The following FOXN2 variants were observed in gnomAD, a reference collection of about 807,000 sequenced individuals.
FOXN2 encodes the protein forkhead box protein N2.
Under a neutral mutation model 41.2 loss-of-function variants are expected in FOXN2, and 19 were observed. The observed-to-expected ratio is 0.46, with a 90% CI of 0.32 to 0.68. The LOEUF is 0.68. FOXN2 is among the 30% of genes least tolerant of loss of function. The probability of loss-of-function intolerance (pLI) is 0.03; values close to 1 mark genes in which losing one functional copy is unlikely to be tolerated. For synonymous variants in FOXN2, 195 were observed against 176.8 expected (o/e 1.10, Z -0.82); for missense variants, 587 against 509.4 (o/e 1.15, Z -1.47).
At chr2:48,368,865 AT>A (rs542991954) in intron 5 of FOXN2, among the ~76,000 whole-genome samples, 17 of 152,314 alleles carry the variant, frequency 1.1e-4, no homozygotes, top group African/African-American at 4.1e-4. Flanking sequence ...TTCATTGCTT[AT>A]TTTTAATGTT....
At chr2:48,348,290 A>T (rs570858549) in intron 3 of FOXN2, among the ~76,000 whole-genome samples, 147 of 151,564 alleles carry the variant, frequency 9.7e-4, no homozygotes, top group African/African-American at 3.4e-3. Flanking sequence ...CTATAGGTTC[A>T]CCGTTTTTCT....
intron 4 of FOXN2, among the ~76,000 whole-genome samples, chr2:48,361,801 T>G (rs1672206507): frequency 6.6e-6 from 1 of 152,214 alleles, no homozygotes; most frequent in Non-Finnish European, 1.5e-5. Context: ...ACTGTTGGTG[T>G]CTTTCCATGA....
rs981732156 is a variant in FOXN2 at position 48,333,640 on chromosome 2, A to G, written c.-15+4938A>G. On this transcript the variant is annotated intron_variant, in intron 2 of 6. Coordinates refer to ENST00000340553, the MANE Select transcript of FOXN2 (RefSeq NM_002158.4). The stretch of plus-strand genomic sequence containing the variant: ...GTGATATTATATGAAATTCTAATGA[A>G]ATTTACCTGGCTTTCCATTCTGTAA... Among the ~76,000 whole-genome samples the G allele has an allele frequency of 4.6e-5, 7 of 152,306 alleles. No homozygotes were observed. In the East Asian group the frequency reaches 1.4e-3, roughly 29 times the overall value.
chr2:48,315,359 C>A (rs1165007175), intron 1 of FOXN2, among the ~76,000 whole-genome samples: 1 of 152,062 alleles, frequency 6.6e-6, no homozygotes, highest in Non-Finnish European at 1.5e-5. Flanking sequence ...GGGGAGGTGC[C>A]GGGGGCGGCC....
rs762596741 is a variant in FOXN2, at chr2:48,358,618, T to C, written c.538-429T>C. Among the ~76,000 whole-genome samples, 47 of 152,334 alleles carry C rather than the reference T, an allele frequency of 3.1e-4. 1 individual carries two copies. Among genetic ancestry groups the C allele is most frequent in the African/African-American group, 1.0e-3 (42 of 41,590 alleles). Reference sequence around the variant, plus strand: ...AAGAGTGTGGGAAATGGAAGGACTCTGGAGATCATCACATTAAATCTTAAT... The same window carrying C: ...AAGAGTGTGGGAAATGGAAGGACTCCGGAGATCATCACATTAAATCTTAAT... On this transcript the variant is annotated intron_variant, in intron 3 of 6. Coordinates refer to ENST00000340553, the MANE Select transcript of FOXN2 (RefSeq NM_002158.4).
rs1009061383 is a variant in FOXN2, at chr2:48,375,655, C to T, written c.*212C>T. 1.8e-5 allele frequency: 8 copies of T among 436,262 alleles called. No individual in the cohort carries two copies. In the Admixed American group the frequency reaches 2.3e-4, roughly 13 times the overall value. 27.0% of individuals were successfully genotyped at this position (436,262 alleles called of 1,614,324 possible). ...AATACATGATGTGAAGTCCTAAAAG[C>T]ATAATTTTTGTGATAAATGTGTCCA... is the stretch of plus-strand genomic sequence containing the variant. On this transcript the variant is annotated 3_prime_UTR_variant, in exon 7 of 7. Transcript: ENST00000340553.
At chr2:48,346,772 C>G (rs1671131566) in intron 3 of FOXN2, 21 bp downstream of exon 3, 2 of 1,531,730 alleles carry the variant, frequency 1.3e-6, no homozygotes, top group East Asian at 4.5e-5. Flanking sequence ...ATGAACATTG[C>G]TATATTTGGT....
Position 48,346,381 on chromosome 2 carries a change from TCA to T in FOXN2, c.170_171del (p.Thr57LysfsTer7), listed in dbSNP as rs1671101652. 6.2e-7 allele frequency: 1 copy of T among 1,614,160 alleles called. No homozygotes were observed. Among genetic ancestry groups the T allele is most frequent in the Non-Finnish European group, 8.5e-7 (1 of 1,180,014 alleles). ...GACAGTGAGTCAGCAGATGATGAAC[TCA>T]CAAACTTGAACTGGCTTCATGAAAG... On this transcript the variant is annotated frameshift_variant, in exon 3 of 7. Coordinates refer to ENST00000340553, the MANE Select transcript of FOXN2 (RefSeq NM_002158.4). LOFTEE classifies it high-confidence loss of function.
At chr2:48,340,518 GA>G (rs896057655) in intron 2 of FOXN2, among the ~76,000 whole-genome samples, 4 of 149,194 alleles carry the variant, frequency 2.7e-5, no homozygotes, top group East Asian at 1.9e-4. Context: ...GCACAACTGT[GA>G]AAAAAAAAAT....
rs539375212 is a variant in FOXN2, at chr2:48,358,340, A to G, written c.538-707A>G. Among the ~76,000 whole-genome samples the G allele has an allele frequency of 2.6e-5, 4 of 152,266 alleles. No individual in the cohort carries two copies. In the South Asian group the frequency reaches 6.2e-4, roughly 24 times the overall value. The stretch of plus-strand genomic sequence containing the variant: ...TCTTGCATATAAATCCTCTTATTTG[A>G]ATCTCATTACAATTCAGTGAAGTGG... On this transcript the variant is annotated intron_variant, in intron 3 of 6. Coordinates refer to ENST00000340553, the MANE Select transcript of FOXN2 (RefSeq NM_002158.4).
intron 5 of FOXN2, among the ~76,000 whole-genome samples, chr2:48,364,424 G>T (rs969210963): frequency 1.3e-5 from 2 of 151,842 alleles, no homozygotes; most frequent in Non-Finnish European, 2.9e-5. Context: ...AATTCCTTTG[G>T]GGTTTTTTTA....
intron 2 of FOXN2, among the ~76,000 whole-genome samples, chr2:48,344,375 A>G (rs1214462094): frequency 6.6e-6 from 1 of 152,208 alleles, no homozygotes; most frequent in Admixed American, 6.5e-5. Context: ...TTTAAAATGA[A>G]TAGGATTTGA....
intron 4 of FOXN2, among the ~76,000 whole-genome samples, chr2:48,361,654 A>G (rs1046855716): frequency 2.0e-5 from 3 of 152,192 alleles, no homozygotes; most frequent in Admixed American, 1.3e-4. Flanking sequence ...AGTGAGATAC[A>G]GTATATGTAA....
intron 2 of FOXN2, among the ~76,000 whole-genome samples, chr2:48,345,896 G>A (rs998305890): frequency 6.6e-6 from 1 of 152,066 alleles, no homozygotes; most frequent in Non-Finnish European, 1.5e-5. Flanking sequence ...CTTCCTATTA[G>A]GTGATTAGTG....
chr2:48,366,297 T>G (rs1208566887), intron 5 of FOXN2, among the ~76,000 whole-genome samples: 4 of 149,944 alleles, frequency 2.7e-5, no homozygotes, highest in Non-Finnish European at 3.0e-5. Context: ...AGGTGGAGAT[T>G]GCAGTGAGCC....
chr2:48,362,505 G>T, intron 4 of FOXN2, 138 bp from the exon 5 acceptor site: 1 of 676,930 alleles, frequency 1.5e-6, no homozygotes, highest in South Asian at 1.8e-5. Context: ...GAAAGTCAAG[G>T]CTGCAGTAGG....
chr2:48,373,893 A>G (rs781742041), intron 6 of FOXN2, among the ~76,000 whole-genome samples: 1 of 152,062 alleles, frequency 6.6e-6, no homozygotes, highest in Non-Finnish European at 1.5e-5. Context: ...CATCTCTACA[A>G]GAAATACAAA....
intron 2 of FOXN2, among the ~76,000 whole-genome samples, chr2:48,336,010 A>G (rs1435515079): frequency 1.3e-5 from 2 of 150,904 alleles, no homozygotes; most frequent in Non-Finnish European, 3.0e-5. Flanking sequence ...CCTGGGCGAC[A>G]GAGCAAGACT....
intron 2 of FOXN2, 36 bp from the exon 3 acceptor site, chr2:48,346,165 A>G: frequency 6.7e-7 from 1 of 1,499,568 alleles, no homozygotes; most frequent in East Asian, 2.3e-5. Context: ...TTAAGAATCT[A>G]AAGTATTACA....
Sources: allele counts gnomAD v4.1 joint callset (sites outside exome capture counted in the v4.1 genomes callset), GRCh38; gene constraint gnomAD v4.1.1; transcripts MANE v1.5; gene names NCBI Gene and HGNC (gene_info 2026-07-23, HGNC 2026-07-21).